Variants in RSRP1 observed in about 807,000 individuals in gnomAD.
RSRP1 encodes arginine/serine-rich protein 1.
RSRP1 carries 37 observed loss-of-function variants against 33.0 expected under a neutral mutation model. That is an observed-to-expected ratio of 1.12 (90% CI 0.86 to 1.48). RSRP1 has a LOEUF of 1.48. Ranked by LOEUF, RSRP1 falls within the 40% of genes most tolerant of loss-of-function variation. The probability of loss-of-function intolerance (pLI) is 0.00; values close to 1 mark genes in which losing one functional copy is unlikely to be tolerated. For synonymous variants in RSRP1, 167 were observed against 158.7 expected, an observed-to-expected ratio of 1.05 and a Z score of -0.40; for missense variants, 402 against 385.3, an observed-to-expected ratio of 1.04 and a Z score of -0.36.
chr1:25,291,351 C>G lies in RSRP1; in HGVS notation c.-66-44322G>C, dbSNP rs189093790. 3.1e-4 allele frequency among the ~76,000 whole-genome samples: 41 copies of G among 131,712 alleles called. 5 individuals are homozygous for G. Among genetic ancestry groups the G allele is most frequent in the African/African-American group, 9.8e-4 (38 of 38,708 alleles). 86.4% of individuals were successfully genotyped at this position (131,712 alleles called of 152,430 possible). ...GGGCATGGTGGCAGGCGCCTGTAAT[C>G]CCAGCTACTCAGGAGGCTGAGGCAA... On this transcript the variant is annotated intron_variant, in intron 1 of 1. Coordinates refer to the RSRP1 transcript ENST00000561867.
intron 1 of RSRP1, among the ~76,000 whole-genome samples, chr1:25,255,748 G>A (rs1371019285): frequency 6.6e-6 from 1 of 152,220 alleles, no homozygotes; most frequent in South Asian, 2.1e-4. Flanking sequence ...GGGGATGGGA[G>A]ACAGTGACAG....
intron 1 of RSRP1, among the ~76,000 whole-genome samples, chr1:25,282,721 T>C (rs1380969231): frequency 7.7e-6 from 1 of 130,628 alleles, no homozygotes; most frequent in African/African-American, 2.6e-5. Context: ...GGTCAGGAGT[T>C]CGAGACCAGC....
intron 1 of RSRP1, among the ~76,000 whole-genome samples, chr1:25,277,932 C>G (rs28494545): frequency 0.028 from 3,796 of 133,194 alleles, 654 homozygotes; most frequent in African/African-American, 0.09. Context: ...CCTTGGCCTC[C>G]CAAAGTGCTG....
intron 1 of RSRP1, among the ~76,000 whole-genome samples, chr1:25,257,784 T>C (rs958601121): frequency 6.6e-6 from 1 of 151,906 alleles, no homozygotes; most frequent in Non-Finnish European, 1.5e-5. Context: ...TTGGTGATGG[T>C]ATTTTTTGTA....
intron 4 of RSRP1, among the ~76,000 whole-genome samples, chr1:25,243,232 G>C (rs572642816): frequency 2.0e-5 from 3 of 152,198 alleles, no homozygotes; most frequent in East Asian, 3.8e-4. Flanking sequence ...TAATGATTTT[G>C]AGGCTTCGTT....
chr1:25,254,674 T>C (rs1363038493), intron 1 of RSRP1, among the ~76,000 whole-genome samples: 1 of 152,148 alleles, frequency 6.6e-6, no homozygotes, highest in Non-Finnish European at 1.5e-5. Flanking sequence ...GATCTCGTGA[T>C]CTGCCCACCT....
In RSRP1 at chr1:25,244,873, G is replaced by A. The variant is rs1294258878; in HGVS notation, c.672+277C>T. 21 of 1,149,374 alleles carry A rather than the reference G, an allele frequency of 1.8e-5. 1 individual carries two copies. Among genetic ancestry groups the A allele is most frequent in the East Asian group, 8.2e-5 (2 of 24,388 alleles). The allele number at this position is 1,149,374 out of a possible 1,614,324, so 71.2% of individuals were successfully genotyped here. A position where few individuals can be genotyped will look rare whatever the true frequency, so the allele number is the denominator to read the frequency against. ...TAATTTTTGTATTTTTTGTAAACAC[G>A]CGGTTTTGCCACATTGCCCAGGCTA... On this transcript the variant is annotated intron_variant, in intron 3 of 4. Transcript: ENST00000243189.
intron 1 of RSRP1, among the ~76,000 whole-genome samples, chr1:25,322,238 CT>C (rs1292808243): frequency 1.5e-5 from 2 of 132,394 alleles, no homozygotes; most frequent in African/African-American, 5.1e-5. Context: ...TCCCCTCCCC[CT>C]ATCTGCAGTC....
intron 1 of RSRP1, among the ~76,000 whole-genome samples, chr1:25,268,096 T>C (rs546498473): frequency 7.5e-6 from 1 of 134,098 alleles, no homozygotes; most frequent in African/African-American, 2.5e-5. Context: ...GTAGCTGTTA[T>C]TCAGCCAACA....
At chr1:25,322,480 C>G (rs560493257) in intron 1 of RSRP1, among the ~76,000 whole-genome samples, 2 of 132,574 alleles carry the variant, frequency 1.5e-5, no homozygotes, top group Non-Finnish European at 3.6e-5. Flanking sequence ...CGAGACCAGC[C>G]TGGCCAACGT....
At chr1:25,290,449 C>T (rs532644988) in intron 1 of RSRP1, among the ~76,000 whole-genome samples, 2 of 127,940 alleles carry the variant, frequency 1.6e-5, no homozygotes, top group Admixed American at 7.7e-5. Context: ...GCCACCTTAA[C>T]GGGAGAAGAG....
chr1:25,331,036 C>T (rs1644995734), intron 1 of RSRP1, among the ~76,000 whole-genome samples: 1 of 108,752 alleles, frequency 9.2e-6, no homozygotes. Context: ...CGATGGATCT[C>T]GGCTCACTGC....
At chr1:25,332,914 G>A (rs1361204295) in intron 1 of RSRP1, among the ~76,000 whole-genome samples, 2 of 131,846 alleles carry the variant, frequency 1.5e-5, no homozygotes, top group Admixed American at 7.4e-5. Flanking sequence ...CTGCAAGCTG[G>A]AGACCCAGGG....
chr1:25,282,820 G>A lies in RSRP1; in HGVS notation c.-66-35791C>T, dbSNP rs1159463071. 6.2e-5 allele frequency among the ~76,000 whole-genome samples: 8 copies of A among 129,708 alleles called. 1 individual carries two copies. Among genetic ancestry groups the A allele is most frequent in the Non-Finnish European group, 9.1e-5 (5 of 54,732 alleles). The allele number at this position is 129,708 out of a possible 152,430, so 85.1% of individuals were successfully genotyped here. A position where few individuals can be genotyped will look rare whatever the true frequency, so the allele number is the denominator to read the frequency against. On this transcript the variant is annotated intron_variant, in intron 1 of 1. Coordinates refer to the RSRP1 transcript ENST00000561867. The stretch of plus-strand genomic sequence containing the variant: ...TGAAGCACAAGAATCACTTGAACCC[G>A]GGAGGTGGAGGTTGCAGCGAGCCGA...
chr1:25,268,423 G>A (rs1230367988), intron 1 of RSRP1, among the ~76,000 whole-genome samples: 1 of 131,326 alleles, frequency 7.6e-6, no homozygotes, highest in East Asian at 2.0e-4. Flanking sequence ...GGAGGCTGAG[G>A]AAGGAGAATC....
intron 1 of RSRP1, among the ~76,000 whole-genome samples, chr1:25,320,303 G>A (rs1268642809): frequency 1.5e-5 from 2 of 132,232 alleles, no homozygotes; most frequent in South Asian, 2.3e-4. Flanking sequence ...TATATGGCAC[G>A]TTATAAGTGG....
At chr1:25,252,676 G>T (rs1241653532) in intron 1 of RSRP1, among the ~76,000 whole-genome samples, 2 of 152,108 alleles carry the variant, frequency 1.3e-5, no homozygotes. Context: ...TGGGATTACA[G>T]GCGCCAGCAA....
rs28559980 is a variant in RSRP1, at chr1:25,315,443, T to A, written c.-67+22535A>T. Among the ~76,000 whole-genome samples the A allele has an allele frequency of 5.6e-4, 71 of 127,904 alleles. 9 individuals are homozygous for A. The highest frequency in any genetic ancestry group is 9.8e-4 in the African/African-American group (36 of 36,710). 83.9% of individuals were successfully genotyped at this position (127,904 alleles called of 152,430 possible). ...GTTGTTGACATCTGCACTCCCTACA[T>A]GAGCAGCAGGGTGGCAACTCTTTTT... is the stretch of plus-strand genomic sequence containing the variant. On this transcript the variant is annotated intron_variant, in intron 1 of 1. Transcript: ENST00000561867.
At chr1:25,301,818 T>C (rs1363749156) in intron 1 of RSRP1, 11 of 739,116 alleles carry the variant, frequency 1.5e-5, no homozygotes, top group African/African-American at 8.7e-5. Context: ...TGCCTGCCTC[T>C]ACAGTGGAGC....
Sources: allele counts gnomAD v4.1 joint callset (sites outside exome capture counted in the v4.1 genomes callset), GRCh38; gene constraint gnomAD v4.1.1; transcripts MANE v1.5; gene names NCBI Gene and HGNC (gene_info 2026-07-23, HGNC 2026-07-21).